Variants in ITPR1 observed in about 807,000 individuals in gnomAD.
ITPR1 encodes the protein inositol 1,4,5-trisphosphate-gated calcium channel ITPR1.
ITPR1 carries 96 observed loss-of-function variants against 318.4 expected under a neutral mutation model. The observed-to-expected ratio is 0.30, with a 90% CI of 0.26 to 0.36. ITPR1 has a LOEUF of 0.36. Among genes scored for constraint, ITPR1 ranks in the 10% least tolerant of loss-of-function variants. ITPR1 has a pLI of 1.00. For missense variants in ITPR1, 2,440 were observed against 3,460.2 expected (o/e 0.71, Z 7.40); for synonymous variants, 1,312 against 1,289.9 (o/e 1.02, Z -0.37).
At chr3:4,556,357 A>T (rs2086126005) in intron 4 of ITPR1, among the ~76,000 whole-genome samples, 1 of 152,212 alleles carries the variant, frequency 6.6e-6, no homozygotes, top group African/African-American at 2.4e-5. Flanking sequence ...TCTCGAAGTC[A>T]TACATTTTAC....
chr3:4,817,997 C>T (rs1188884512), intron 59 of ITPR1, 85 bp from the exon 60 acceptor site: 7 of 1,168,046 alleles, frequency 6.0e-6, no homozygotes, highest in Admixed American at 2.6e-5. Context: ...CCACAGCCCC[C>T]TTTCTACTGA....
At chr3:4,512,760 A>G (rs973565434) in intron 2 of ITPR1, among the ~76,000 whole-genome samples, 1 of 152,204 alleles carries the variant, frequency 6.6e-6, no homozygotes, top group Non-Finnish European at 1.5e-5. Flanking sequence ...ATTGCTCACC[A>G]CAGCCTCTTG....
At chr3:4,541,813 A>G (rs568945454) in intron 4 of ITPR1, among the ~76,000 whole-genome samples, 3 of 152,222 alleles carry the variant, frequency 2.0e-5, no homozygotes, top group East Asian at 1.9e-4. Context: ...TTTAGTAGAA[A>G]TGGGATTTCA....
At chr3:4,607,074 T>A (rs546192675) in intron 4 of ITPR1, among the ~76,000 whole-genome samples, 1 of 152,314 alleles carries the variant, frequency 6.6e-6, no homozygotes, top group East Asian at 1.9e-4. Context: ...CGAAGGCCTC[T>A]GGATATTTTC....
At chr3:4,784,366 C>T (rs910348421) in intron 51 of ITPR1, among the ~76,000 whole-genome samples, 6 of 151,910 alleles carry the variant, frequency 3.9e-5, no homozygotes, top group African/African-American at 7.3e-5. Flanking sequence ...CTAGGTGATC[C>T]GGAGGGGCTA....
intron 44 of ITPR1, among the ~76,000 whole-genome samples, chr3:4,736,059 A>C (rs1031755496): frequency 4.6e-5 from 7 of 152,216 alleles, no homozygotes; most frequent in Non-Finnish European, 8.8e-5. Context: ...TACATAAATA[A>C]CATAACTTTT....
intron 44 of ITPR1, among the ~76,000 whole-genome samples, chr3:4,748,910 G>A (rs1329788454): frequency 6.6e-6 from 1 of 152,214 alleles, no homozygotes; most frequent in Non-Finnish European, 1.5e-5. Context: ...GTTCCCAGCA[G>A]ACCCTCGCTG....
chr3:4,655,257 G>C (rs979495988), intron 12 of ITPR1, among the ~76,000 whole-genome samples: 3 of 152,254 alleles, frequency 2.0e-5, no homozygotes, highest in Middle Eastern at 6.8e-3. Flanking sequence ...TGGTGACATG[G>C]AGGAAATCTT....
At chr3:4,731,621 T>G (rs1422664191) in intron 42 of ITPR1, among the ~76,000 whole-genome samples, 1 of 152,206 alleles carries the variant, frequency 6.6e-6, no homozygotes, top group East Asian at 1.9e-4. Flanking sequence ...AATCTGTCCC[T>G]GGAATCTTTA....
chr3:4,687,952 C>T (rs889771615), intron 30 of ITPR1, among the ~76,000 whole-genome samples: 1 of 152,152 alleles, frequency 6.6e-6, no homozygotes, highest in African/African-American at 2.4e-5. Flanking sequence ...ATAGGTCGGA[C>T]AACTTAAAAA....
chr3:4,758,803 C>A (rs529000905), intron 44 of ITPR1, among the ~76,000 whole-genome samples: 1 of 152,158 alleles, frequency 6.6e-6, no homozygotes, highest in Admixed American at 6.5e-5. Flanking sequence ...GCCATGTGAT[C>A]GTGGGCAATT....
Position 4,811,320 on chromosome 3 carries a change from C to G in ITPR1, c.7328C>G (p.Thr2443Ser). Residue 2443 changes from threonine (T) to serine (S), a missense_variant, in exon 56 of 62, where the codon ACT becomes AGT. Physicochemically the swap from Thr to Ser is moderately conservative, Grantham distance 58 (BLOSUM62 1). Coordinates refer to ENST00000649015, the MANE Select transcript of ITPR1 (RefSeq NM_001378452.1). ...ETLLNVIKSV[T>S]RNGRSIILTA... is the part of the protein sequence containing the mutation. ...TTGCTTAATGTCATTAAAAGTGTCA[C>G]TCGCAATGGACGGTCCATCATCCTG... 6.2e-7 allele frequency: 1 copy of G among 1,612,358 alleles called. No individual in the cohort carries two copies. Among genetic ancestry groups the G allele is most frequent in the Non-Finnish European group, 8.5e-7 (1 of 1,179,018 alleles).
intron 60 of ITPR1, 127 bp downstream of exon 60, chr3:4,818,369 C>G: frequency 2.9e-6 from 2 of 690,614 alleles, no homozygotes; most frequent in Non-Finnish European, 4.6e-6. Context: ...GAGCCCTTCT[C>G]ACGGATGGGG....
chr3:4,822,610 A>G (rs2049802157), intron 60 of ITPR1, among the ~76,000 whole-genome samples: 1 of 152,096 alleles, frequency 6.6e-6, no homozygotes, highest in South Asian at 2.1e-4. Flanking sequence ...TGGGGAGTGG[A>G]CCCTGAGTTC....
intron 4 of ITPR1, among the ~76,000 whole-genome samples, chr3:4,618,739 TTGCC>T (rs1210353252): frequency 6.6e-6 from 1 of 152,206 alleles, no homozygotes; most frequent in African/African-American, 2.4e-5. Context: ...CTGGAGCACT[TTGCC>T]TCTGCTCCAG....
intron 10 of ITPR1, 155 bp downstream of exon 10, chr3:4,645,883 A>G (rs1286189640): frequency 6.0e-6 from 4 of 667,766 alleles, no homozygotes; most frequent in Non-Finnish European, 1.0e-5. Flanking sequence ...CACAGAATAC[A>G]TGTGTGTGTA....
Position 4,733,112 on chromosome 3 carries a change from G to C in ITPR1, c.5245G>C (p.Val1749Leu). The C allele has an allele frequency of 6.2e-7, 1 of 1,613,516 alleles. No homozygotes were observed. Residue 1749 changes from valine to leucine, a missense_variant, in exon 43 of 62, where the codon GTC (valine) becomes CTC (leucine). Val to Leu is a conservative substitution (Grantham distance 32). Coordinates refer to ENST00000649015, the MANE Select transcript of ITPR1 (RefSeq NM_001378452.1). ...GGGTGAGGCGCTCAGGCAAGTTCTG[G>C]TCAACCGTTACTATGGAAACGTCAG... ...KRGEALRQVLVNRYYGNVRPS... is the reference protein window; with the variant it reads ...KRGEALRQVLLNRYYGNVRPS...
intron 55 of ITPR1, among the ~76,000 whole-genome samples, chr3:4,810,647 A>G (rs548968746): frequency 6.6e-6 from 1 of 152,330 alleles, no homozygotes; most frequent in African/African-American, 2.4e-5. Context: ...CAGTGTGCTA[A>G]GCACTGTGCG....
intron 37 of ITPR1, among the ~76,000 whole-genome samples, chr3:4,709,070 G>A (rs150919315): frequency 5.3e-5 from 8 of 152,264 alleles, no homozygotes; most frequent in Admixed American, 1.3e-4. Flanking sequence ...TGTAAATACC[G>A]TAGACAAAGA....
Sources: allele counts gnomAD v4.1 joint callset (sites outside exome capture counted in the v4.1 genomes callset), GRCh38; gene constraint gnomAD v4.1.1; transcripts MANE v1.5; gene names NCBI Gene and HGNC (gene_info 2026-07-23, HGNC 2026-07-21).